ANKFN1: variants seen among roughly 807,000 people sequenced by gnomAD.
ANKFN1 encodes the protein ankyrin repeat and fibronectin type-III domain-containing protein 1.
ANKFN1 carries 74 observed loss-of-function variants against 108.7 expected under a neutral mutation model. That is an observed-to-expected ratio of 0.68 (90% CI 0.56 to 0.83). ANKFN1 has a LOEUF of 0.83. Ranked by LOEUF, ANKFN1 falls within the 40% of genes least tolerant of loss-of-function variation. The pLI is 0.00. For synonymous variants in ANKFN1, 547 were observed against 516.2 expected (o/e 1.06, Z -0.81); for missense variants, 1,505 against 1,382.3 (o/e 1.09, Z -1.41).
intron 3 of ANKFN1, among the ~76,000 whole-genome samples, chr17:56,239,908 A>G (rs1265052479): frequency 6.6e-6 from 1 of 152,142 alleles, no homozygotes; most frequent in African/African-American, 2.4e-5. Flanking sequence ...GGGCAAGGAC[A>G]GCTTACACAT....
intron 3 of ANKFN1, among the ~76,000 whole-genome samples, chr17:56,288,321 C>G (rs1002890277): frequency 6.6e-6 from 1 of 151,926 alleles, no homozygotes; most frequent in Non-Finnish European, 1.5e-5. Flanking sequence ...TCCCTTTATA[C>G]AAAAGACAAT....
intron 1 of ANKFN1, among the ~76,000 whole-genome samples, chr17:56,199,574 C>T (rs1913855881): frequency 6.6e-6 from 1 of 152,100 alleles, no homozygotes; most frequent in Admixed American, 6.6e-5. Context: ...TCCTCCTTTT[C>T]CTGGCATTTG....
At chr17:56,328,417 T>A (rs902071925) in intron 4 of ANKFN1, among the ~76,000 whole-genome samples, 1 of 152,232 alleles carries the variant, frequency 6.6e-6, no homozygotes, top group Non-Finnish European at 1.5e-5. Flanking sequence ...ATGTCTTTTA[T>A]AAAATTCAAA....
chr17:56,295,605 G>A (rs564270937), intron 3 of ANKFN1, among the ~76,000 whole-genome samples: 20 of 151,452 alleles, frequency 1.3e-4, no homozygotes, highest in South Asian at 1.2e-3. Flanking sequence ...AAAAAAAGCC[G>A]TGTGTGGGCG....
intron 4 of ANKFN1, among the ~76,000 whole-genome samples, chr17:56,349,345 G>A (rs1233809087): frequency 1.3e-5 from 2 of 151,598 alleles, no homozygotes; most frequent in Admixed American, 1.3e-4. Context: ...ATTTACCTAT[G>A]TAACAAACCT....
intron 1 of ANKFN1, among the ~76,000 whole-genome samples, chr17:56,184,445 C>A (rs566059397): frequency 3.3e-5 from 5 of 152,228 alleles, no homozygotes; most frequent in African/African-American, 1.2e-4. Context: ...AATTAATAGA[C>A]CACAGTATAT....
chr17:56,117,698 T>C (rs935019750), intron 4 of ANKFN1, among the ~76,000 whole-genome samples: 13 of 152,138 alleles, frequency 8.5e-5, no homozygotes, highest in Admixed American at 8.5e-4. Context: ...CTCAGACTCT[T>C]CCGTTTTCTT....
At chr17:56,182,743 G>A (rs887881319) in intron 1 of ANKFN1, among the ~76,000 whole-genome samples, 1 of 152,178 alleles carries the variant, frequency 6.6e-6, no homozygotes, top group African/African-American at 2.4e-5. Context: ...GCCTTCTATT[G>A]AAAGAAGATG....
intron 4 of ANKFN1, among the ~76,000 whole-genome samples, chr17:56,148,330 T>C (rs192731742): frequency 2.6e-5 from 4 of 152,352 alleles, no homozygotes; most frequent in African/African-American, 4.8e-5. Flanking sequence ...TTTACACGAA[T>C]GGGATGATTC....
intron 15 of ANKFN1, among the ~76,000 whole-genome samples, chr17:56,467,846 GAAA>G (rs2050180244): frequency 5.9e-5 from 2 of 33,928 alleles, no homozygotes; most frequent in African/African-American, 1.0e-4. Context: ...AAGAAAGAAA[GAAA>G]GAAAAAGGGA....
intron 3 of ANKFN1, among the ~76,000 whole-genome samples, chr17:56,256,544 A>T (rs894094478): frequency 5.3e-5 from 8 of 152,186 alleles, no homozygotes; most frequent in African/African-American, 1.9e-4. Context: ...GGGGGCAGAA[A>T]ATGAGACTGC....
chr17:56,382,042 T>A (rs1350549940), intron 8 of ANKFN1, among the ~76,000 whole-genome samples: 2 of 152,194 alleles, frequency 1.3e-5, no homozygotes, highest in Admixed American at 6.5e-5. Flanking sequence ...AAGAGAAAGG[T>A]CGGGTTACCC....
At chr17:56,174,287 C>T (rs1047314753) in intron 1 of ANKFN1, 35 of 985,512 alleles carry the variant, frequency 3.6e-5, no homozygotes, top group Non-Finnish European at 3.9e-5. Context: ...CACTGCAAAG[C>T]CTCAGGCAGC....
chr17:56,161,409 GTAT>G (rs1909645581), intron 1 of ANKFN1, among the ~76,000 whole-genome samples: 1 of 152,084 alleles, frequency 6.6e-6, no homozygotes, highest in South Asian at 2.1e-4. Flanking sequence ...ATCCCACTCT[GTAT>G]TACTTTGATA....
chr17:56,440,239 A>G (rs1205820364), intron 8 of ANKFN1, 88 bp from the exon 9 acceptor site: 3 of 706,582 alleles, frequency 4.2e-6, no homozygotes, highest in Non-Finnish European at 7.2e-6. Flanking sequence ...GAGGGATTGT[A>G]TGCTAGAGTT....
chr17:56,215,608 C>T (rs768878049), intron 2 of ANKFN1, among the ~76,000 whole-genome samples: 1 of 152,102 alleles, frequency 6.6e-6, no homozygotes, highest in African/African-American at 2.4e-5. Context: ...AGAGGAGGTG[C>T]GATTCATGTA....
chr17:56,393,569 G>A (rs541074318), intron 8 of ANKFN1, among the ~76,000 whole-genome samples: 14 of 152,144 alleles, frequency 9.2e-5, no homozygotes, highest in Non-Finnish European at 2.1e-4. Flanking sequence ...CTAAACTCTT[G>A]ATAAGAAACA....
In ANKFN1 at chr17:56,210,747, G is replaced by A. The variant is rs541929613; in HGVS notation, c.-70-1851G>A. ...GCCTCAGGAAATCTACAATCATGGC[G>A]GAAGGCACCTCTTCACAGGGTAGCA... On this transcript the variant is annotated intron_variant, in intron 1 of 20. Transcript: ENST00000682825. 4.6e-5 allele frequency among the ~76,000 whole-genome samples: 7 copies of A among 152,240 alleles called. No homozygotes were observed. In the East Asian group the frequency reaches 5.8e-4, roughly 13 times the overall value.
intron 3 of ANKFN1, among the ~76,000 whole-genome samples, chr17:56,295,614 C>G (rs7224762): frequency 0.19 from 28,643 of 150,986 alleles, 3,572 homozygotes; most frequent in African/African-American, 0.37. Flanking sequence ...CGTGTGTGGG[C>G]GGTGTGTGTG....
Sources: gnomAD v4.1 joint callset for allele counts (sites outside exome capture counted in the v4.1 genomes callset) on GRCh38, gnomAD v4.1.1 for gene constraint, MANE v1.5 for transcripts, NCBI Gene and HGNC (gene_info 2026-07-23, HGNC 2026-07-21) for gene names.